The following RIT2 variants were observed in gnomAD, a reference collection of about 807,000 sequenced individuals.
RIT2 encodes GTP-binding protein Rit2.
A neutral mutation model predicts 23.7 loss-of-function variants in RIT2; 24 were observed. The ratio of observed to expected loss-of-function variants is 1.01; its 90% CI spans 0.73 to 1.43. The LOEUF (loss-of-function observed/expected upper bound fraction) is 1.43, where lower values mean the gene tolerates loss of function less well. Ranked by LOEUF, RIT2 falls within the 40% of genes most tolerant of loss-of-function variation. RIT2 has a pLI of 0.00. For missense variants in RIT2, 236 were observed against 266.9 expected, an observed-to-expected ratio of 0.88 and a Z score of 0.81; for synonymous variants, 107 against 91.1, an observed-to-expected ratio of 1.17 and a Z score of -0.99.
At position 43,015,842 on chromosome 18, in the gene RIT2, C is replaced by T. The variant is rs552123806; in HGVS notation, c.160+17969G>A. On this transcript the variant is annotated intron_variant, in intron 2 of 4. Transcript: ENST00000326695. ...GTTACCTCTTAGAAGTAGAGTAAAA[C>T]ATTGACTGGCTATCATGCACAAAAT... Among the ~76,000 whole-genome samples the T allele has an allele frequency of 2.6e-5, 4 of 151,856 alleles. No individual in the cohort carries two copies. In the East Asian group the frequency reaches 7.8e-4, roughly 30 times the overall value.
chr18:42,837,310 G>A (rs950729723), intron 4 of RIT2, among the ~76,000 whole-genome samples: 4 of 151,314 alleles, frequency 2.6e-5, no homozygotes, highest in African/African-American at 7.3e-5. Flanking sequence ...TGGGACTACA[G>A]GTGCCTGCCA....
intron 1 of RIT2, among the ~76,000 whole-genome samples, chr18:43,042,180 G>A (rs1912143538): frequency 6.6e-6 from 1 of 152,126 alleles, no homozygotes; most frequent in African/African-American, 2.4e-5. Flanking sequence ...ATTTGTCTTG[G>A]TTTTTGGGAC....
At chr18:43,060,166 C>A (rs559989531) in intron 1 of RIT2, among the ~76,000 whole-genome samples, 1 of 152,258 alleles carries the variant, frequency 6.6e-6, no homozygotes, top group Admixed American at 6.5e-5. Context: ...GGATAGCATT[C>A]CAACTCCCTG....
At chr18:43,114,027 C>G (rs1372642669) in intron 1 of RIT2, among the ~76,000 whole-genome samples, 4 of 152,178 alleles carry the variant, frequency 2.6e-5, no homozygotes, top group Admixed American at 2.6e-4. Context: ...TTCCTCCATC[C>G]CTTCCTCCTT....
At chr18:43,105,490 G>GAAGGGAGGAAGAGAGGAAGGGAGGACGGA (rs1568083814) in intron 1 of RIT2, among the ~76,000 whole-genome samples, 2 of 118,312 alleles carry the variant, frequency 1.7e-5, no homozygotes, top group South Asian at 3.3e-4. Flanking sequence ...GGGAGGAAGG[G>GAAGGGAGGAAGAGAGGAAGGGAGGACGGA]AGGAAGAAAG....
chr18:42,838,321 C>T lies in RIT2; in HGVS notation c.426+85251G>A, dbSNP rs192165974. Among the ~76,000 whole-genome samples, 5 of 149,932 alleles carry T rather than the reference C, an allele frequency of 3.3e-5. No homozygotes were observed. The East Asian group carries it at 7.8e-4, about 23-fold the overall frequency. ...TTCAGTCTTTTTGTAAATACTTCCC[C>T]AAAACTTTATTCTGCATATCATTTT... On this transcript the variant is annotated intron_variant, in intron 4 of 4. Transcript: ENST00000326695.
chr18:43,091,263 A>T (rs2144360580), intron 1 of RIT2, among the ~76,000 whole-genome samples: 1 of 152,162 alleles, frequency 6.6e-6, no homozygotes, highest in African/African-American at 2.4e-5. Flanking sequence ...AAAGAAAATA[A>T]AATTGTTGTC....
chr18:42,754,484 CT>C (rs1163192768), intron 4 of RIT2, among the ~76,000 whole-genome samples: 1 of 152,080 alleles, frequency 6.6e-6, no homozygotes, highest in East Asian at 1.9e-4. Context: ...TTTTTTTCCC[CT>C]ATCTGGAAAG....
At chr18:43,073,316 A>G (rs756744598) in intron 1 of RIT2, among the ~76,000 whole-genome samples, 25 of 152,212 alleles carry the variant, frequency 1.6e-4, no homozygotes, top group Non-Finnish European at 2.5e-4. Flanking sequence ...AAAGGGTGCT[A>G]TCATATGCTG....
At chr18:43,046,662 T>C (rs1252309428) in intron 1 of RIT2, among the ~76,000 whole-genome samples, 3 of 152,202 alleles carry the variant, frequency 2.0e-5, no homozygotes, top group Non-Finnish European at 4.4e-5. Flanking sequence ...TCTTAAAATA[T>C]GGTAAAATAA....
intron 4 of RIT2, among the ~76,000 whole-genome samples, chr18:42,878,583 G>A: frequency 6.6e-6 from 1 of 151,576 alleles, no homozygotes; most frequent in Non-Finnish European, 1.5e-5. Context: ...GTGTGTGTGT[G>A]TGTGTGTGTG....
intron 3 of RIT2, among the ~76,000 whole-genome samples, chr18:42,927,313 G>T (rs915385436): frequency 6.6e-6 from 1 of 151,266 alleles, no homozygotes; most frequent in Non-Finnish European, 1.5e-5. Context: ...TAACTTAGAT[G>T]ACATTTTCTA....
intron 4 of RIT2, among the ~76,000 whole-genome samples, chr18:42,806,238 A>T (rs1905680941): frequency 6.6e-6 from 1 of 151,574 alleles, no homozygotes; most frequent in African/African-American, 2.4e-5. Flanking sequence ...GGAGGCTGAG[A>T]CAGGAGGAAC....
At chr18:43,055,808 A>C (rs1280213582) in intron 1 of RIT2, among the ~76,000 whole-genome samples, 4 of 152,102 alleles carry the variant, frequency 2.6e-5, no homozygotes, top group Non-Finnish European at 5.9e-5. Context: ...ATTCCAAGGA[A>C]CATAAAACTT....
chr18:42,965,840 A>C (rs746838553), intron 3 of RIT2, among the ~76,000 whole-genome samples: 13 of 151,172 alleles, frequency 8.6e-5, no homozygotes, highest in Non-Finnish European at 1.8e-4. Flanking sequence ...GATGTCATCA[A>C]AAAGTGATAC....
At chr18:42,964,532 C>T (rs1910167209) in intron 3 of RIT2, among the ~76,000 whole-genome samples, 1 of 152,084 alleles carries the variant, frequency 6.6e-6, no homozygotes, top group Non-Finnish European at 1.5e-5. Context: ...TTGATTTTTC[C>T]CCTGCCCAGT....
At chr18:42,882,117 A>G (rs924450196) in intron 4 of RIT2, among the ~76,000 whole-genome samples, 2 of 152,306 alleles carry the variant, frequency 1.3e-5, no homozygotes, top group East Asian at 3.9e-4. Flanking sequence ...TTTTAACTAT[A>G]TATTTTCTGC....
chr18:43,000,898 A>G (rs943609124), intron 2 of RIT2, among the ~76,000 whole-genome samples: 4 of 152,024 alleles, frequency 2.6e-5, no homozygotes, highest in South Asian at 2.1e-4. Flanking sequence ...TGGAATCCCA[A>G]TAGAAGTCAA....
chr18:42,748,824 T>G (rs551916462), intron 4 of RIT2, among the ~76,000 whole-genome samples: 8 of 152,094 alleles, frequency 5.3e-5, no homozygotes, highest in African/African-American at 1.9e-4. Flanking sequence ...ACTCGGGTGA[T>G]GAATGCACCA....
Sources: allele counts gnomAD v4.1 joint callset (sites outside exome capture counted in the v4.1 genomes callset), GRCh38; gene constraint gnomAD v4.1.1; transcripts MANE v1.5; gene names NCBI Gene and HGNC (gene_info 2026-07-23, HGNC 2026-07-21).